Variants in TMC1 observed in about 807,000 individuals in gnomAD.
TMC1 encodes transmembrane channel-like protein 1.
Under a neutral mutation model 105.8 loss-of-function variants are expected in TMC1, and 84 were observed. The ratio of observed to expected loss-of-function variants is 0.79; its 90% confidence interval spans 0.67 to 0.95. TMC1 has a LOEUF of 0.95. Among genes scored for constraint, TMC1 ranks in the 40% least tolerant of loss-of-function variants. The probability of loss-of-function intolerance (pLI) is 0.00; values close to 1 mark genes in which losing one functional copy is unlikely to be tolerated. For missense variants in TMC1, 817 were observed against 914.1 expected, an observed-to-expected ratio of 0.89 and a Z score of 1.37; for synonymous variants, 315 against 311.5, an observed-to-expected ratio of 1.01 and a Z score of -0.12.
intron 18 of TMC1, among the ~76,000 whole-genome samples, chr9:72,812,955 C>T (rs1828729003): frequency 6.6e-6 from 1 of 152,190 alleles, no homozygotes; most frequent in Non-Finnish European, 1.5e-5. Flanking sequence ...TGACTTAGCA[C>T]ATCACAAGCA....
In TMC1 at chr9:72,627,923, T is replaced by A. The variant is rs1456070496; in HGVS notation, c.-193T>A. ...ATTTTTTTTTTTTCATATTTTAGGA[T>A]GCCAGAAGCCTCAAAAATGGAAAAC... On this transcript the variant is annotated splice_region_variant and 5_prime_UTR_variant, in exon 4 of 24. The change abolishes an upstream ATG in the 5' untranslated region. Transcript: ENST00000297784. 2.5e-6 allele frequency: 1 copy of A among 404,234 alleles called. No individual in the cohort carries two copies. 25.0% of individuals were successfully genotyped at this position (404,234 alleles called of 1,614,324 possible). A position where few individuals can be genotyped will look rare whatever the true frequency, so the allele number is the denominator to read the frequency against.
chr9:72,591,048 C>G (rs934025563), intron 2 of TMC1, among the ~76,000 whole-genome samples: 4 of 152,166 alleles, frequency 2.6e-5, no homozygotes, highest in Non-Finnish European at 5.9e-5. Flanking sequence ...GTGCAAGACT[C>G]TAAGGCAGGA....
intron 17 of TMC1, among the ~76,000 whole-genome samples, chr9:72,794,532 C>T (rs747667227): frequency 1.3e-5 from 2 of 152,164 alleles, no homozygotes; most frequent in South Asian, 2.1e-4. Flanking sequence ...TAACATACCC[C>T]CCTCTGAAAC....
chr9:72,755,756 T>C (rs528006918), intron 12 of TMC1, among the ~76,000 whole-genome samples: 3 of 152,322 alleles, frequency 2.0e-5, no homozygotes, highest in South Asian at 4.1e-4. Context: ...TAAAATTTTA[T>C]ACAGATTGCA....
intron 5 of TMC1, among the ~76,000 whole-genome samples, chr9:72,681,154 G>A (rs1409602448): frequency 6.6e-6 from 1 of 152,066 alleles, no homozygotes; most frequent in Non-Finnish European, 1.5e-5. Flanking sequence ...CCTCACACAA[G>A]ATAATGTATT....
chr9:72,807,142 A>G lies in TMC1; in HGVS notation c.1695+1632A>G, dbSNP rs187181012. ...TCGGCGCGAGCCTGCAATCGCAGGC[A>G]CTCGGCATGCTCAGTCAGGAGAATC... On this transcript the variant is annotated intron_variant, in intron 18 of 23. Transcript: ENST00000297784. 4.5e-3 allele frequency among the ~76,000 whole-genome samples: 678 copies of G among 152,314 alleles called. 3 individuals are homozygous for G. Among genetic ancestry groups the G allele is most frequent in the African/African-American group, 0.016 (646 of 41,576 alleles).
chr9:72,532,164 C>G (rs1823507578), intron 1 of TMC1, among the ~76,000 whole-genome samples: 1 of 152,036 alleles, frequency 6.6e-6, no homozygotes, highest in African/African-American at 2.4e-5. Context: ...CTCCTAACCT[C>G]AGGTTATCTG....
intron 8 of TMC1, among the ~76,000 whole-genome samples, chr9:72,729,274 G>T (rs1260421691): frequency 6.6e-6 from 1 of 152,022 alleles, no homozygotes; most frequent in African/African-American, 2.4e-5. Context: ...AATTTTAGAG[G>T]TCTTAGTAAT....
intron 12 of TMC1, among the ~76,000 whole-genome samples, chr9:72,757,255 T>C (rs1349929722): frequency 3.3e-5 from 5 of 152,232 alleles, no homozygotes; most frequent in Admixed American, 6.5e-5. Flanking sequence ...AATGTCTGCA[T>C]CATGCAGTGA....
chr9:72,806,898 G>A (rs1260102450), intron 18 of TMC1, among the ~76,000 whole-genome samples: 1 of 152,210 alleles, frequency 6.6e-6, no homozygotes, highest in Non-Finnish European at 1.5e-5. Flanking sequence ...GGCACTTTGG[G>A]AGGCCAAGGC....
rs115784654 is a variant in TMC1, at chr9:72,615,635, A to T, written c.-305-733A>T. ...ATTCCATAGTAATGTATAGGTTTTTAAAAAACCATATCCTTCAATCAAATG... is the reference window on the plus strand; with the variant it reads ...ATTCCATAGTAATGTATAGGTTTTTTAAAAACCATATCCTTCAATCAAATG... On this transcript the variant is annotated intron_variant, in intron 2 of 23. Coordinates refer to ENST00000297784, the MANE Select transcript of TMC1 (RefSeq NM_138691.3). Among the ~76,000 whole-genome samples the T allele has an allele frequency of 9.7e-3, 1,476 of 152,292 alleles. 21 individuals carry two copies. Among genetic ancestry groups the T allele is most frequent in the African/African-American group, 0.034 (1,411 of 41,550 alleles).
chr9:72,667,918 TTC>T (rs2132166269), intron 5 of TMC1, among the ~76,000 whole-genome samples: 1 of 152,348 alleles, frequency 6.6e-6, no homozygotes, highest in Admixed American at 6.5e-5. Context: ...TCATTCAGCC[TTC>T]TCTCTTCATT....
chr9:72,826,584 A>C (rs1012476949), intron 20 of TMC1, among the ~76,000 whole-genome samples: 3 of 152,216 alleles, frequency 2.0e-5, no homozygotes, highest in Non-Finnish European at 4.4e-5. Context: ...AATATATTTC[A>C]ATCAAAATCT....
chr9:72,691,990 A>T (rs1826472787), intron 6 of TMC1, among the ~76,000 whole-genome samples: 1 of 152,162 alleles, frequency 6.6e-6, no homozygotes, highest in African/African-American at 2.4e-5. Flanking sequence ...GTGGGACAGA[A>T]GCCAGTCCAG....
At chr9:72,556,492 A>G (rs1423613166) in intron 1 of TMC1, among the ~76,000 whole-genome samples, 2 of 151,830 alleles carry the variant, frequency 1.3e-5, no homozygotes, top group Non-Finnish European at 2.9e-5. Flanking sequence ...TCTAAAGTAG[A>G]CACTCCTGCT....
intron 13 of TMC1, among the ~76,000 whole-genome samples, chr9:72,783,157 T>C (rs543696198): frequency 3.7e-4 from 56 of 152,098 alleles, no homozygotes; most frequent in African/African-American, 1.3e-3. Context: ...ATAGGAGATA[T>C]ATATATATAT....
At chr9:72,825,920 G>A (rs2118315453) in intron 20 of TMC1, among the ~76,000 whole-genome samples, 3 of 152,110 alleles carry the variant, frequency 2.0e-5, no homozygotes, top group Non-Finnish European at 2.9e-5. Flanking sequence ...TATGTCTGCT[G>A]GAAGATAGTA....
At chr9:72,775,776 A>C (rs1185387006) in intron 13 of TMC1, among the ~76,000 whole-genome samples, 2 of 152,164 alleles carry the variant, frequency 1.3e-5, no homozygotes, top group Admixed American at 1.3e-4. Context: ...CTTCTGCATC[A>C]AGTGAGTGAT....
chr9:72,734,018 A>G lies in TMC1; in HGVS notation c.363-6101A>G, dbSNP rs149116778. Among the ~76,000 whole-genome samples the G allele has an allele frequency of 2.1e-3, 325 of 152,314 alleles. 2 individuals are homozygous for G. The highest frequency in any genetic ancestry group is 7.6e-3 in the African/African-American group (316 of 41,558). ...AACATAAGCATTGTGATACTGTGAC[A>G]GTCAATCTGAGAACCCAGAGGGCTA... On this transcript the variant is annotated intron_variant, in intron 8 of 23. Transcript: ENST00000297784.
Sources: gnomAD v4.1 joint callset for allele counts (sites outside exome capture counted in the v4.1 genomes callset) on GRCh38, gnomAD v4.1.1 for gene constraint, MANE v1.5 for transcripts, NCBI Gene and HGNC (gene_info 2026-07-23, HGNC 2026-07-21) for gene names.